The following FMN2 variants were observed in gnomAD, a reference collection of about 807,000 sequenced individuals.
The protein encoded by FMN2 is formin 2.
FMN2 carries 51 observed loss-of-function variants against 142.3 expected under a neutral mutation model. That is an observed-to-expected ratio of 0.36 (90% CI 0.29 to 0.45). The LOEUF (loss-of-function observed/expected upper bound fraction) is 0.45, where lower values mean the gene tolerates loss of function less well. FMN2 is among the 20% of genes least tolerant of loss of function. FMN2 has a pLI of 1.00. For synonymous variants in FMN2, 882 were observed against 869.8 expected (o/e 1.01, Z -0.25); for missense variants, 1,936 against 2,122.8 (o/e 0.91, Z 1.73).
At chr1:240,439,549 C>T (rs1032774672) in intron 16 of FMN2, among the ~76,000 whole-genome samples, 3 of 152,118 alleles carry the variant, frequency 2.0e-5, no homozygotes, top group Admixed American at 2.0e-4. Flanking sequence ...AAGAAACTAT[C>T]CTCAGTGAAT....
chr1:240,221,865 T>TC, intron 6 of FMN2, among the ~76,000 whole-genome samples: 1 of 151,010 alleles, frequency 6.6e-6, no homozygotes, highest in South Asian at 2.1e-4. Context: ...TTTTTTTTTT[T>TC]TTAATGAAGT....
In FMN2 at chr1:240,220,164, G is replaced by T. The variant is rs191478009; in HGVS notation, c.4065+8929G>T. On this transcript the variant is annotated intron_variant, in intron 6 of 17. Coordinates refer to ENST00000319653, the MANE Select transcript of FMN2 (RefSeq NM_020066.5). ...GGTGAGAATTATAACAAAAAATTGT[G>T]TAAAATCTCTGAAAATTGTCCTAAG... Among the ~76,000 whole-genome samples the T allele has an allele frequency of 2.7e-3, 412 of 152,218 alleles. 3 individuals are homozygous for T. The South Asian group carries it at 0.027, about 10-fold the overall frequency.
At chr1:240,440,064 AG>A in intron 16 of FMN2, among the ~76,000 whole-genome samples, 1 of 152,198 alleles carries the variant, frequency 6.6e-6, no homozygotes, top group South Asian at 2.1e-4. Context: ...GACATCAGCA[AG>A]ATGGGACTGA....
At chr1:240,136,306 G>T (rs539448322) in intron 2 of FMN2, among the ~76,000 whole-genome samples, 1 of 152,242 alleles carries the variant, frequency 6.6e-6, no homozygotes, top group African/African-American at 2.4e-5. Context: ...GATAGTTATT[G>T]TTATTCCCCC....
intron 8 of FMN2, among the ~76,000 whole-genome samples, chr1:240,315,269 A>G (rs1670738989): frequency 6.6e-6 from 1 of 152,224 alleles, no homozygotes; most frequent in Admixed American, 6.6e-5. Context: ...TGCCTGCTAA[A>G]AACCTTGGTT....
At chr1:240,356,069 A>G (rs1672262741) in intron 14 of FMN2, among the ~76,000 whole-genome samples, 161 bp downstream of exon 14, 1 of 149,464 alleles carries the variant, frequency 6.7e-6, no homozygotes, top group African/African-American at 2.4e-5. Flanking sequence ...AAGTTGAATT[A>G]TGAGTCACAG....
Position 240,397,998 on chromosome 1 carries a change from C to CTTT in FMN2, c.4910+5449_4910+5451dup, listed in dbSNP as rs35919747. Among the ~76,000 whole-genome samples the CTTT allele has an allele frequency of 7.1e-3, 995 of 140,824 alleles. 10 individuals are homozygous for CTTT. The highest frequency in any genetic ancestry group is 0.025 in the African/African-American group (946 of 38,266). 92.4% of individuals were successfully genotyped at this position (140,824 alleles called of 152,430 possible). A position where few individuals can be genotyped will look rare whatever the true frequency, so the allele number is the denominator to read the frequency against. On this transcript the variant is annotated intron_variant, in intron 15 of 17. Coordinates refer to ENST00000319653, the MANE Select transcript of FMN2 (RefSeq NM_020066.5). ...CTGCCATTAATTCAGTAGGCAAGAT[C>CTTT]TTTTTTTTTTTTTTTGAGACATAAT...
intron 14 of FMN2, among the ~76,000 whole-genome samples, chr1:240,362,569 C>CA (rs1450678909): frequency 1.3e-5 from 2 of 151,994 alleles, no homozygotes; most frequent in Admixed American, 6.6e-5. Context: ...AGTATACACA[C>CA]AAAAAACATA....
intron 14 of FMN2, among the ~76,000 whole-genome samples, chr1:240,381,631 T>C (rs1673229169): frequency 6.6e-6 from 1 of 152,184 alleles, no homozygotes; most frequent in Admixed American, 6.5e-5. Flanking sequence ...GACTTCTCCA[T>C]GTTTTCCAGG....
In FMN2 at chr1:240,305,480, A is replaced by C. The variant is rs184605532; in HGVS notation, c.4215+10597A>C. Among the ~76,000 whole-genome samples, 552 of 152,374 alleles carry C rather than the reference A, an allele frequency of 3.6e-3. 7 individuals carry two copies. Among genetic ancestry groups the C allele is most frequent in the Non-Finnish European group, 3.6e-3 (244 of 68,036 alleles). On this transcript the variant is annotated intron_variant, in intron 8 of 17. Transcript: ENST00000319653. ...TTGCATAATCAAACAGGTTAAAAATAAGTTAATCAAATAAGTTAAAGTTAA... is the reference window on the plus strand; with the variant it reads ...TTGCATAATCAAACAGGTTAAAAATCAGTTAATCAAATAAGTTAAAGTTAA...
chr1:240,374,774 G>T (rs1273440680), intron 14 of FMN2, among the ~76,000 whole-genome samples: 1 of 152,114 alleles, frequency 6.6e-6, no homozygotes, highest in Non-Finnish European at 1.5e-5. Flanking sequence ...CACTGAAGTA[G>T]CACTTTAAAT....
Position 240,207,109 on chromosome 1 carries a change from G to A in FMN2, c.2297G>A (p.Arg766His), listed in dbSNP as rs554313620. ...CCTCCTGTGGATGGGCTGCCAGGGC[G>A]TCCTCCATGCCCCCCTGGGGCTGAA... ...TLPPVDGLPGRPPCPPGAESG... is the reference protein window; with the variant it reads ...TLPPVDGLPGHPPCPPGAESG... The change falls in exon 5 of 18, where the codon CGT (arginine) becomes CAT (histidine). Residue 766 changes from arginine to histidine, a missense_variant. This residue lies in a region of FMN2 where 478 missense variants were observed against 462.8 expected (regional missense o/e 1.03). Coordinates refer to ENST00000319653, the MANE Select transcript of FMN2 (RefSeq NM_020066.5). The A allele has an allele frequency of 7.4e-5, 119 of 1,614,074 alleles. No individual in the cohort carries two copies. The highest frequency in any genetic ancestry group is 2.7e-4 in the African/African-American group (20 of 75,014).
intron 14 of FMN2, among the ~76,000 whole-genome samples, chr1:240,379,948 A>G (rs1286959192): frequency 6.6e-6 from 1 of 152,176 alleles, no homozygotes; most frequent in Non-Finnish European, 1.5e-5. Flanking sequence ...TCCAAAATAT[A>G]TATGCACCCA....
intron 6 of FMN2, among the ~76,000 whole-genome samples, chr1:240,250,995 C>G (rs975114502): frequency 6.6e-6 from 1 of 151,784 alleles, no homozygotes; most frequent in Non-Finnish European, 1.5e-5. Flanking sequence ...GTTAGTCTAG[C>G]TAGCAGTTTA....
At chr1:240,398,591 G>C (rs1358514795) in intron 15 of FMN2, among the ~76,000 whole-genome samples, 4 of 152,130 alleles carry the variant, frequency 2.6e-5, no homozygotes, top group Non-Finnish European at 1.5e-5. Flanking sequence ...TGAAACATTT[G>C]ACGTTTCTCC....
At chr1:240,245,456 C>T (rs1668044520) in intron 6 of FMN2, 1 of 463,552 alleles carries the variant, frequency 2.2e-6, no homozygotes, top group African/African-American at 2.0e-5. Context: ...GGCTGGATAC[C>T]AGAAATGCAG....
intron 15 of FMN2, among the ~76,000 whole-genome samples, chr1:240,431,437 C>CACATATATATATAT (rs1675173833): frequency 7.0e-6 from 1 of 142,218 alleles, no homozygotes; most frequent in African/African-American, 2.9e-5. Flanking sequence ...TATATATACA[C>CACATATATATATAT]ACATATATAT....
intron 6 of FMN2, among the ~76,000 whole-genome samples, chr1:240,255,439 TGGAC>T (rs1668421751): frequency 1.3e-5 from 2 of 152,178 alleles, no homozygotes; most frequent in Admixed American, 6.5e-5. Context: ...TGAGAACCAC[TGGAC>T]TAGAGTTTGG....
chr1:240,337,435 C>T (rs1199694858), intron 13 of FMN2, among the ~76,000 whole-genome samples: 1 of 151,948 alleles, frequency 6.6e-6, no homozygotes, highest in Non-Finnish European at 1.5e-5. Context: ...CCAGGCTGGT[C>T]TCGAACTCCT....
Sources: allele counts gnomAD v4.1 joint callset (sites outside exome capture counted in the v4.1 genomes callset), GRCh38; gene constraint gnomAD v4.1.1; regional missense constraint gnomAD v4.1.1; transcripts MANE v1.5; gene names NCBI Gene and HGNC (gene_info 2026-07-23, HGNC 2026-07-21).